Variants in BCKDHB observed in about 807,000 individuals in gnomAD.
The protein encoded by BCKDHB is 2-oxoisovalerate dehydrogenase subunit beta, mitochondrial.
Under a neutral mutation model 48.5 loss-of-function variants are expected in BCKDHB, and 41 were observed. The observed-to-expected ratio is 0.85, with a 90% confidence interval of 0.66 to 1.10. The LOEUF (loss-of-function observed/expected upper bound fraction) is 1.10. Among genes scored for constraint, BCKDHB ranks in the 50% least tolerant of loss-of-function variants. The pLI is 0.00. For missense variants in BCKDHB, 496 were observed against 494.2 expected (o/e 1.00, Z -0.03); for synonymous variants, 201 against 174.8 (o/e 1.15, Z -1.18).
chr6:80,383,552 C>T, the BCKDHB span, among the ~76,000 whole-genome samples: 1 of 151,940 alleles, frequency 6.6e-6, no homozygotes. Flanking sequence ...CTAATATTTC[C>T]TAGCTTCAAA....
the BCKDHB span, among the ~76,000 whole-genome samples, chr6:80,419,181 C>T: frequency 6.6e-6 from 1 of 152,144 alleles, no homozygotes; most frequent in Non-Finnish European, 1.5e-5. Flanking sequence ...AACCCACAGG[C>T]AGATACACAC....
chr6:80,409,140 C>T, the BCKDHB span, among the ~76,000 whole-genome samples: 1 of 152,078 alleles, frequency 6.6e-6, no homozygotes, highest in African/African-American at 2.4e-5. Flanking sequence ...ACCCATTAGT[C>T]ATTCAGGAGC....
chr6:80,210,767 T>C (rs1774887144), intron 8 of BCKDHB, among the ~76,000 whole-genome samples: 1 of 152,098 alleles, frequency 6.6e-6, no homozygotes, highest in Non-Finnish European at 1.5e-5. Flanking sequence ...GCAACTCAGC[T>C]CAGCTGTCAT....
chr6:80,220,734 CTTTTT>C (rs67235328), intron 8 of BCKDHB, among the ~76,000 whole-genome samples: 1 of 121,952 alleles, frequency 8.2e-6, no homozygotes, highest in Non-Finnish European at 1.7e-5. Context: ...TTTTCTTTTT[CTTTTT>C]TTTTTTTTTT....
At chr6:80,283,055 A>G (rs1202391276) in intron 9 of BCKDHB, among the ~76,000 whole-genome samples, 3 of 152,224 alleles carry the variant, frequency 2.0e-5, no homozygotes, top group South Asian at 2.1e-4. Context: ...TTTAAAACCA[A>G]TGCCACCTCA....
At chr6:80,442,191 A>T in the BCKDHB span, among the ~76,000 whole-genome samples, 1 of 152,152 alleles carries the variant, frequency 6.6e-6, no homozygotes, top group Non-Finnish European at 1.5e-5. Context: ...TCGTAATGAT[A>T]ATCTTGGATG....
chr6:80,302,693 ACAAC>A (rs1414683560), intron 9 of BCKDHB, among the ~76,000 whole-genome samples: 1 of 152,174 alleles, frequency 6.6e-6, no homozygotes, highest in South Asian at 2.1e-4. Flanking sequence ...TTTAAACACA[ACAAC>A]CAGTTATTTC....
rs535914122 is a variant in BCKDHB at position 80,307,662 on chromosome 6, A to G, written c.1038+34441A>G. On this transcript the variant is annotated intron_variant, in intron 9 of 9. Coordinates refer to ENST00000320393, the MANE Select transcript of BCKDHB (RefSeq NM_183050.4). ...CATTATAGAAAATGTAAAAAAAATT[A>G]TTTGTATTCACATTAGGCCTATTTT... The G allele has an allele frequency of 6.1e-5, 59 of 973,840 alleles. No individual in the cohort carries two copies. The South Asian group carries it at 2.4e-3, about 39-fold the overall frequency. 60.3% of individuals were successfully genotyped at this position (973,840 alleles called of 1,614,324 possible).
At chr6:80,259,842 C>G (rs964121918) in intron 8 of BCKDHB, among the ~76,000 whole-genome samples, 1 of 152,064 alleles carries the variant, frequency 6.6e-6, no homozygotes, top group Non-Finnish European at 1.5e-5. Flanking sequence ...TTAAGATGCA[C>G]CAAGTGAAGG....
chr6:80,314,748 C>T (rs1224086431), intron 9 of BCKDHB, among the ~76,000 whole-genome samples: 4 of 152,164 alleles, frequency 2.6e-5, no homozygotes, highest in Non-Finnish European at 5.9e-5. Flanking sequence ...GGCACTCTGT[C>T]CGAGGGAGAG....
chr6:80,238,091 A>G (rs1010331235), intron 8 of BCKDHB, among the ~76,000 whole-genome samples: 1 of 151,960 alleles, frequency 6.6e-6, no homozygotes, highest in African/African-American at 2.4e-5. Flanking sequence ...GGAGATTTTA[A>G]TCTTTTTTAA....
intron 9 of BCKDHB, among the ~76,000 whole-genome samples, chr6:80,295,200 C>G (rs938580306): frequency 6.6e-6 from 1 of 152,114 alleles, no homozygotes; most frequent in East Asian, 1.9e-4. Flanking sequence ...CCTCGATATA[C>G]TGGTATCAAT....
At chr6:80,133,637 GCTTT>G (rs925624784) in intron 3 of BCKDHB, among the ~76,000 whole-genome samples, 7 of 151,948 alleles carry the variant, frequency 4.6e-5, no homozygotes, top group South Asian at 2.1e-4. Flanking sequence ...TGCCACACAT[GCTTT>G]CTTTCTTTCT....
the BCKDHB span, among the ~76,000 whole-genome samples, chr6:80,409,508 G>T: frequency 7.0e-6 from 1 of 143,040 alleles, no homozygotes; most frequent in Non-Finnish European, 1.5e-5. Context: ...TATTTTGTGG[G>T]AGTCTGAGTC....
chr6:80,460,385 T>C, the BCKDHB span, among the ~76,000 whole-genome samples: 81 of 152,266 alleles, frequency 5.3e-4, no homozygotes, highest in African/African-American at 1.9e-3. Flanking sequence ...GCACTTGCTT[T>C]ACATTTCCCA....
chr6:80,179,122 A>G (rs1773297878), intron 6 of BCKDHB, among the ~76,000 whole-genome samples: 1 of 152,140 alleles, frequency 6.6e-6, no homozygotes, highest in South Asian at 2.1e-4. Context: ...TCCTGGGCTC[A>G]GGTGATTCTC....
the BCKDHB span, among the ~76,000 whole-genome samples, chr6:80,368,305 G>A: frequency 0.021 from 3,212 of 152,114 alleles, 42 homozygotes; most frequent in South Asian, 0.031. Flanking sequence ...CATTTGGTCC[G>A]CAGTCTGTAC....
At chr6:80,395,722 TGGGCATATCAGA>T in the BCKDHB span, among the ~76,000 whole-genome samples, 2 of 152,214 alleles carry the variant, frequency 1.3e-5, no homozygotes, top group Non-Finnish European at 2.9e-5. Flanking sequence ...AAATATCTCC[TGGGCATATCAGA>T]GAACCTCAAT....
At chr6:80,169,469 G>C (rs59082997) in intron 5 of BCKDHB, among the ~76,000 whole-genome samples, 2,940 of 151,984 alleles carry the variant, frequency 0.019, 92 homozygotes, top group African/African-American at 0.067. Context: ...TTTCTTACTT[G>C]TTAAAAAGAC....
Sources: gnomAD v4.1 joint callset for allele counts (sites outside exome capture counted in the v4.1 genomes callset) on GRCh38, gnomAD v4.1.1 for gene constraint, MANE v1.5 for transcripts, NCBI Gene and HGNC (gene_info 2026-07-23, HGNC 2026-07-21) for gene names.